The following FGF14 variants were observed in gnomAD, a reference collection of about 807,000 sequenced individuals.
The protein encoded by FGF14 is fibroblast growth factor homologous factor 4.
In FGF14, 5 loss-of-function variants were observed where a neutral mutation model predicts 25.5. That is an observed-to-expected ratio of 0.20 (90% CI 0.10 to 0.41). FGF14 has a LOEUF of 0.41. FGF14 is among the 10% of genes least tolerant of loss of function. The probability of loss-of-function intolerance (pLI) is 1.00; values close to 1 mark genes in which losing one functional copy is unlikely to be tolerated. For synonymous variants in FGF14, 138 were observed against 118.3 expected, an observed-to-expected ratio of 1.17 and a Z score of -1.08; for missense variants, 222 against 320.1, an observed-to-expected ratio of 0.69 and a Z score of 2.34.
chr13:102,381,935 G>A (rs937106937), intron 1 of FGF14, among the ~76,000 whole-genome samples: 13 of 152,150 alleles, frequency 8.5e-5, no homozygotes, highest in African/African-American at 3.1e-4. Context: ...TGAAAAATTA[G>A]ATGTCTACAG....
At chr13:101,747,856 G>A (rs1397821055) in intron 3 of FGF14, among the ~76,000 whole-genome samples, 3 of 151,704 alleles carry the variant, frequency 2.0e-5, no homozygotes, top group Admixed American at 6.6e-5. Context: ...TGGCCAAGAA[G>A]CATATGAAAA....
intron 1 of FGF14, among the ~76,000 whole-genome samples, chr13:102,012,792 A>G (rs1221175114): frequency 1.3e-5 from 2 of 151,940 alleles, no homozygotes; most frequent in African/African-American, 4.8e-5. Flanking sequence ...CTCACTTTCT[A>G]TTTTCAGCCT....
At chr13:101,767,175 G>A (rs2038460046) in intron 3 of FGF14, among the ~76,000 whole-genome samples, 1 of 152,102 alleles carries the variant, frequency 6.6e-6, no homozygotes, top group Non-Finnish European at 1.5e-5. Flanking sequence ...CCACGTATGT[G>A]ATGATGAATT....
chr13:102,292,299 A>C (rs960722216), intron 1 of FGF14: 5 of 137,756 alleles, frequency 3.6e-5, no homozygotes, highest in Admixed American at 7.8e-5. Flanking sequence ...AAAAAAAAAA[A>C]AAAAAACTGA....
chr13:102,203,809 A>C (rs2049781948), intron 1 of FGF14, among the ~76,000 whole-genome samples: 2 of 152,332 alleles, frequency 1.3e-5, no homozygotes, highest in East Asian at 3.9e-4. Context: ...CATTAGGACA[A>C]ATACAATTTA....
chr13:102,160,986 T>C (rs1436554694), intron 1 of FGF14, among the ~76,000 whole-genome samples: 1 of 152,162 alleles, frequency 6.6e-6, no homozygotes, highest in East Asian at 1.9e-4. Context: ...CATGCGTGCA[T>C]TTCTGCTTAG....
At position 102,326,735 on chromosome 13, in the gene FGF14, GA is replaced by G. The variant is rs2056458472; in HGVS notation, c.208+74735del. On this transcript the variant is annotated intron_variant, in intron 1 of 4. Transcript: ENST00000376131. ...GGAAGGAAGGAAGGAAGGAAGGAAG[GA>G]AGGAAGGAAGGAAGGAAAGAGGGAG... Among the ~76,000 whole-genome samples the G allele has an allele frequency of 3.5e-3, 352 of 100,908 alleles. 14 individuals are homozygous for G. The highest frequency in any genetic ancestry group is 0.014 in the African/African-American group (342 of 25,022). 66.2% of individuals were successfully genotyped at this position (100,908 alleles called of 152,430 possible). A position where few individuals can be genotyped will look rare whatever the true frequency, so the allele number is the denominator to read the frequency against.
At chr13:102,222,543 G>A (rs1316962398) in intron 1 of FGF14, among the ~76,000 whole-genome samples, 2 of 152,092 alleles carry the variant, frequency 1.3e-5, no homozygotes, top group East Asian at 3.8e-4. Context: ...TACAGAGAAG[G>A]GCATCCCTAG....
intron 1 of FGF14, among the ~76,000 whole-genome samples, chr13:102,060,551 C>T (rs796648645): frequency 2.0e-5 from 3 of 152,300 alleles, no homozygotes; most frequent in Admixed American, 6.5e-5. Context: ...CTAAACTAAA[C>T]ACGTTTTACA....
intron 1 of FGF14, among the ~76,000 whole-genome samples, chr13:101,985,338 G>A (rs117386147): frequency 0.021 from 3,130 of 152,026 alleles, 45 homozygotes; most frequent in Non-Finnish European, 0.033. Flanking sequence ...AGAGTTATAC[G>A]TATGTGTGTT....
chr13:101,864,736 C>T (rs7999098), intron 3 of FGF14, among the ~76,000 whole-genome samples: 6 of 152,044 alleles, frequency 3.9e-5, no homozygotes, highest in East Asian at 1.9e-4. Flanking sequence ...CTGGCACTTA[C>T]GACCGCGAAG....
In FGF14 at chr13:102,084,716, G is replaced by T. The variant is rs527583884; in HGVS notation, c.209-209420C>A. ...ACCCCAGCAACAGGACGACTTTAAA[G>T]ATGTATTTCCAGATAACTTGTATTC... On this transcript the variant is annotated intron_variant, in intron 1 of 4. Coordinates refer to the FGF14 transcript ENST00000376131. 8.5e-5 allele frequency among the ~76,000 whole-genome samples: 13 copies of T among 152,312 alleles called. 1 individual carries two copies. In the East Asian group the frequency reaches 2.1e-3, roughly 25 times the overall value.
intron 3 of FGF14, among the ~76,000 whole-genome samples, chr13:101,864,511 G>C (rs1594529916): frequency 6.6e-6 from 1 of 152,106 alleles, no homozygotes; most frequent in South Asian, 2.1e-4. Flanking sequence ...CCTCCCATTA[G>C]ACCCACTGAA....
At chr13:102,362,595 G>C (rs576137166) in intron 1 of FGF14, among the ~76,000 whole-genome samples, 4 of 152,290 alleles carry the variant, frequency 2.6e-5, no homozygotes, top group African/African-American at 7.2e-5. Context: ...AATCTTGCCT[G>C]CAGGCAAAAT....
intron 1 of FGF14, among the ~76,000 whole-genome samples, chr13:101,929,720 T>C (rs1025779053): frequency 6.6e-6 from 1 of 152,258 alleles, no homozygotes; most frequent in African/African-American, 2.4e-5. Context: ...ATATGTGTTA[T>C]ATATCATTAA....
chr13:102,027,785 G>A (rs2041006863), intron 1 of FGF14, among the ~76,000 whole-genome samples: 1 of 151,868 alleles, frequency 6.6e-6, no homozygotes, highest in Non-Finnish European at 1.5e-5. Context: ...TGCTTGACTG[G>A]GGCTGATGGG....
chr13:101,988,897 CTTTTA>C (rs2038745321), intron 1 of FGF14, among the ~76,000 whole-genome samples: 1 of 151,756 alleles, frequency 6.6e-6, no homozygotes, highest in Admixed American at 6.6e-5. Context: ...TGTGGGGTTT[CTTTTA>C]TTTGTTTGTT....
intron 1 of FGF14, among the ~76,000 whole-genome samples, chr13:102,324,526 A>G (rs1197309776): frequency 6.6e-6 from 1 of 152,112 alleles, no homozygotes; most frequent in Non-Finnish European, 1.5e-5. Flanking sequence ...CCCCTTGTGG[A>G]GCTTTAATGC....
At chr13:102,129,440 C>T (rs1362407579) in intron 1 of FGF14, among the ~76,000 whole-genome samples, 4 of 152,050 alleles carry the variant, frequency 2.6e-5, no homozygotes, top group Non-Finnish European at 5.9e-5. Flanking sequence ...AACCTGGCAT[C>T]AATTCTCTCC....
Sources: gnomAD v4.1 joint callset for allele counts (sites outside exome capture counted in the v4.1 genomes callset) on GRCh38, gnomAD v4.1.1 for gene constraint, MANE v1.5 for transcripts, NCBI Gene and HGNC (gene_info 2026-07-23, HGNC 2026-07-21) for gene names.